The following SPTBN4 variants were observed in gnomAD, a reference collection of about 807,000 sequenced individuals.
SPTBN4 encodes the protein spectrin beta chain, non-erythrocytic 4.
In SPTBN4, 96 loss-of-function variants were observed where a neutral mutation model predicts 277.8. The ratio of observed to expected loss-of-function variants is 0.35; its 90% CI spans 0.29 to 0.41. SPTBN4 has a LOEUF of 0.41. SPTBN4 is among the 10% of genes least tolerant of loss of function. The probability of loss-of-function intolerance (pLI) is 1.00; values close to 1 mark genes in which losing one functional copy is unlikely to be tolerated. For synonymous variants in SPTBN4, 1,481 were observed against 1,580.3 expected (o/e 0.94, Z 1.49); for missense variants, 3,006 against 3,595.7 (o/e 0.84, Z 4.19).
At chr19:40,479,235 C>G (rs2079981939) in intron 2 of SPTBN4, among the ~76,000 whole-genome samples, 2 of 152,086 alleles carry the variant, frequency 1.3e-5, no homozygotes, top group African/African-American at 2.4e-5. Flanking sequence ...GGGAGCATCA[C>G]TTGAGCCCAG....
intron 1 of SPTBN4, among the ~76,000 whole-genome samples, chr19:40,470,640 C>A (rs1023988680): frequency 6.7e-6 from 1 of 148,462 alleles, no homozygotes; most frequent in African/African-American, 2.5e-5. Flanking sequence ...TCTTCTTCTT[C>A]TTTTTTTCTT....
intron 21 of SPTBN4, among the ~76,000 whole-genome samples, chr19:40,549,919 A>G (rs1353428654): frequency 2.4e-4 from 37 of 152,190 alleles, no homozygotes; most frequent in Non-Finnish European, 1.0e-4. Context: ...CAAGACCTGT[A>G]TGTGCAAAGG....
At position 40,534,075 on chromosome 19, in the gene SPTBN4, G is replaced by T. The variant is rs1300460540; in HGVS notation, c.4096-5G>T. On this transcript the variant is annotated splice_polypyrimidine_tract_variant and splice_region_variant and intron_variant, in intron 19 of 35. Transcript: ENST00000598249. Reference sequence around the variant, plus strand: ...CATCTCCTGCCATCCACCCACTTGGGGCAGGAGGGCCAGCAACTGATGCAG... The same window carrying T: ...CATCTCCTGCCATCCACCCACTTGGTGCAGGAGGGCCAGCAACTGATGCAG... 6.3e-7 allele frequency: 1 copy of T among 1,598,636 alleles called. No homozygotes were observed. Among genetic ancestry groups the T allele is most frequent in the Non-Finnish European group, 8.6e-7 (1 of 1,168,520 alleles).
At chr19:40,533,939 C>A in intron 19 of SPTBN4, 141 bp from the exon 20 acceptor site, 1 of 1,061,324 alleles carries the variant, frequency 9.4e-7, no homozygotes, top group Non-Finnish European at 1.3e-6. Flanking sequence ...ATGTCTCTCT[C>A]TCCCTATGTG....
At position 40,567,966 on chromosome 19, in the gene SPTBN4, G is replaced by A. The variant is rs1156570395; in HGVS notation, c.6640G>A (p.Ala2214Thr). 1.3e-6 allele frequency: 2 copies of A among 1,501,938 alleles called. No individual in the cohort carries two copies. The highest frequency in any genetic ancestry group is 1.8e-6 in the Non-Finnish European group (2 of 1,131,568). 93.0% of individuals were successfully genotyped at this position (1,501,938 alleles called of 1,614,324 possible). ...GGCCCTGCCGGCCGCACCAGAGGAC[G>A]CGGCGGAGACCCCCGCGACCCCCGC... is the stretch of plus-strand genomic sequence containing the variant. Reference protein sequence around the residue: ...PAALPAAPEDAAETPATPAAA... With the variant: ...PAALPAAPEDTAETPATPAAA... Residue 2214 changes from alanine to threonine, a missense_variant, in exon 31 of 36, where the codon GCG becomes ACG. Around this residue, in one of 5 missense-constraint regions of SPTBN4, gnomAD observed 630 missense variants for 677.6 expected, o/e 0.93. Coordinates refer to ENST00000598249, the MANE Select transcript of SPTBN4 (RefSeq NM_020971.3).
At chr19:40,469,221 T>C (rs1205372319) in intron 1 of SPTBN4, among the ~76,000 whole-genome samples, 2 of 152,160 alleles carry the variant, frequency 1.3e-5, no homozygotes, top group Non-Finnish European at 2.9e-5. Flanking sequence ...GTCTGGGTCT[T>C]TTGAGGACAT....
At chr19:40,495,528 G>C (rs2080186609) in intron 6 of SPTBN4, among the ~76,000 whole-genome samples, 1 of 151,980 alleles carries the variant, frequency 6.6e-6, no homozygotes, top group African/African-American at 2.4e-5. Context: ...CGCCCCTGTA[G>C]TCCCAGCTAC....
chr19:40,546,530 G>A (rs2080862279), intron 20 of SPTBN4, among the ~76,000 whole-genome samples: 1 of 152,070 alleles, frequency 6.6e-6, no homozygotes, highest in African/African-American at 2.4e-5. Context: ...GTCACATTCT[G>A]GAAGCAAGGG....
rs182362241 is a variant in SPTBN4 at position 40,517,035 on chromosome 19, G to A, written c.2903+1587G>A. Among the ~76,000 whole-genome samples the A allele has an allele frequency of 4.2e-4, 64 of 152,244 alleles. No homozygotes were observed. The East Asian group carries it at 0.011, about 25-fold the overall frequency. On this transcript the variant is annotated intron_variant, in intron 15 of 35. Transcript: ENST00000598249. ...TAGATGAAGATACAAGTCCAAAAAG[G>A]TGAACTCCTTATCCAAGATTACTCA...
At chr19:40,574,622 A>G (rs1344249360) in intron 35 of SPTBN4, among the ~76,000 whole-genome samples, 4 of 151,896 alleles carry the variant, frequency 2.6e-5, no homozygotes, top group Non-Finnish European at 4.4e-5. Flanking sequence ...TCAGCCTCCC[A>G]AAGTGCTGGG....
At chr19:40,566,134 G>C (rs1451112374) in intron 29 of SPTBN4, 29 bp from the exon 30 acceptor site, 1 of 1,467,446 alleles carries the variant, frequency 6.8e-7, no homozygotes, top group South Asian at 1.4e-5. Flanking sequence ...AGATGCCCCA[G>C]AATCCTTACC....
chr19:40,501,486 T>C (rs549628835), intron 7 of SPTBN4, among the ~76,000 whole-genome samples: 3 of 151,986 alleles, frequency 2.0e-5, no homozygotes, highest in Admixed American at 6.6e-5. Flanking sequence ...CTGACCAACA[T>C]GGTGAAGCCC....
chr19:40,497,293 G>A, intron 6 of SPTBN4, 196 bp from the exon 7 acceptor site: 2 of 581,556 alleles, frequency 3.4e-6, no homozygotes, highest in Non-Finnish European at 6.2e-6. Flanking sequence ...TCCCGGGAAC[G>A]CACAGAGACA....
rs990668562 is a variant in SPTBN4, at chr19:40,473,191, T to G, written c.169+401T>G. Reference sequence around the variant, plus strand: ...CCCCCTGACTAGCTGGGACTACAGGTGCCCGCCACCACACCCGGCTAATTC... The same window carrying G: ...CCCCCTGACTAGCTGGGACTACAGGGGCCCGCCACCACACCCGGCTAATTC... On this transcript the variant is annotated intron_variant, in intron 2 of 35. Coordinates refer to ENST00000598249, the MANE Select transcript of SPTBN4 (RefSeq NM_020971.3). 2.0e-4 allele frequency among the ~76,000 whole-genome samples: 30 copies of G among 151,726 alleles called. 1 individual carries two copies. Among genetic ancestry groups the G allele is most frequent in the Admixed American group, 7.9e-4 (12 of 15,206 alleles).
At position 40,568,030 on chromosome 19, in the gene SPTBN4, A is replaced by G; in HGVS notation, c.6704A>G (p.Glu2235Gly). Residue 2235 changes from glutamate to glycine, a missense_variant, in exon 31 of 36, where the codon GAG becomes GGG. By Grantham distance (98) the Glu-to-Gly change is moderately conservative. Transcript: ENST00000598249. The part of the protein sequence containing the change: ...EQVRPRPERQ[E>G]SADRAEELPR... ...GTGCGGCCACGACCGGAGCGCCAGG[A>G]GTCAGCTGATCGCGCGGAGGAGCTG... 6.5e-7 allele frequency: 1 copy of G among 1,548,490 alleles called. No homozygotes were observed. The highest frequency in any genetic ancestry group is 8.7e-7 in the Non-Finnish European group (1 of 1,147,398).
chr19:40,558,920 T>TATTATG (rs1457578840), intron 26 of SPTBN4, among the ~76,000 whole-genome samples: 1 of 135,208 alleles, frequency 7.4e-6, no homozygotes, highest in Non-Finnish European at 1.6e-5. Flanking sequence ...CAATTATTAT[T>TATTATG]ATTATTATTA....
At position 40,519,356 on chromosome 19, in the gene SPTBN4, G is replaced by C; in HGVS notation, c.2904-45G>C. The C allele has an allele frequency of 6.9e-7, 1 of 1,441,216 alleles. No homozygotes were observed. The highest frequency in any genetic ancestry group is 9.1e-7 in the Non-Finnish European group (1 of 1,097,816). The allele number at this position is 1,441,216 out of a possible 1,614,324, so 89.3% of individuals were successfully genotyped here. On this transcript the variant is annotated intron_variant, in intron 15 of 35. Coordinates refer to ENST00000598249, the MANE Select transcript of SPTBN4 (RefSeq NM_020971.3). The surrounding 1 kb of genome is among the most constrained non-coding windows in gnomAD (Gnocchi z 5.7). ...GGGTCGGCGGGCCCTCCGCGCCCAA[G>C]AGGAGTCCCTGTCCTCCTCAAGTCA...
intron 20 of SPTBN4, among the ~76,000 whole-genome samples, chr19:40,537,509 G>T (rs2080751879): frequency 6.6e-6 from 1 of 152,190 alleles, no homozygotes. Context: ...GCCTTGAAAA[G>T]ATCTCAGGGA....
chr19:40,550,392 G>C (rs2080905288), intron 22 of SPTBN4, 65 bp downstream of exon 22: 2 of 1,509,734 alleles, frequency 1.3e-6, no homozygotes, highest in African/African-American at 1.4e-5. Context: ...AACAGCTGAA[G>C]GTGGTTAAAG....
Sources: gnomAD v4.1 joint callset for allele counts (sites outside exome capture counted in the v4.1 genomes callset) on GRCh38, gnomAD v4.1.1 for gene constraint, gnomAD v4.1.1 regional missense constraint, Gnocchi (gnomAD v3.1) non-coding constraint, MANE v1.5 for transcripts, NCBI Gene and HGNC (gene_info 2026-07-23, HGNC 2026-07-21) for gene names.